PARP8: variants seen among roughly 807,000 people sequenced by gnomAD.
PARP8 encodes poly(ADP-ribose) polymerase family member 8, also known as protein mono-ADP-ribosyltransferase PARP8.
PARP8 carries 51 observed loss-of-function variants against 124.1 expected under a neutral mutation model. The observed-to-expected ratio is 0.41, with a 90% CI of 0.33 to 0.52. The LOEUF (loss-of-function observed/expected upper bound fraction) is 0.52, where lower values mean the gene tolerates loss of function less well. PARP8 is among the 20% of genes least tolerant of loss of function. The probability of loss-of-function intolerance (pLI) is 0.21; values close to 1 mark genes in which losing one functional copy is unlikely to be tolerated. For synonymous variants in PARP8, 391 were observed against 361.5 expected, an observed-to-expected ratio of 1.08 and a Z score of -0.93; for missense variants, 860 against 1,018.9, an observed-to-expected ratio of 0.84 and a Z score of 2.12.
At chr5:50,837,726 G>A (rs1747739657) in intron 25 of PARP8, among the ~76,000 whole-genome samples, 1 of 151,444 alleles carries the variant, frequency 6.6e-6, no homozygotes, top group African/African-American at 2.4e-5. Flanking sequence ...AAATTGGAGG[G>A]AAATTTTAGG....
chr5:50,740,937 T>C (rs1344246245), intron 2 of PARP8, among the ~76,000 whole-genome samples: 1 of 152,238 alleles, frequency 6.6e-6, no homozygotes, highest in Non-Finnish European at 1.5e-5. Context: ...CGAAGTTCTT[T>C]CTAAATATTT....
At chr5:50,675,780 A>G (rs1351891324) in intron 2 of PARP8, among the ~76,000 whole-genome samples, 1 of 152,050 alleles carries the variant, frequency 6.6e-6, no homozygotes, top group East Asian at 1.9e-4. Flanking sequence ...ACAAAAGTGG[A>G]AAACAAACCA....
At chr5:50,747,155 T>G (rs1758645167) in intron 2 of PARP8, among the ~76,000 whole-genome samples, 1 of 16,282 alleles carries the variant, frequency 6.1e-5, no homozygotes, top group African/African-American at 2.3e-4. Flanking sequence ...TTTTTGTTTG[T>G]TTGTTTTGTT....
chr5:50,774,926 C>T (rs371993789), intron 7 of PARP8, among the ~76,000 whole-genome samples: 83 of 139,594 alleles, frequency 5.9e-4, no homozygotes, highest in South Asian at 1.9e-3. Context: ...CCAGATGGGG[C>T]GGCTGGGCAG....
intron 16 of PARP8, among the ~76,000 whole-genome samples, 189 bp from the exon 17 acceptor site, chr5:50,822,146 T>G (rs1745827492): frequency 6.6e-6 from 1 of 152,196 alleles, no homozygotes; most frequent in Non-Finnish European, 1.5e-5. Context: ...TTGTTTCTTT[T>G]CTCTGACTGA....
chr5:50,812,924 G>A (rs1327423028), intron 14 of PARP8, among the ~76,000 whole-genome samples: 1 of 152,058 alleles, frequency 6.6e-6, no homozygotes, highest in African/African-American at 2.4e-5. Context: ...TATTATTTCT[G>A]AGGGCTCTGT....
intron 2 of PARP8, chr5:50,744,618 A>G: frequency 1.6e-6 from 1 of 640,292 alleles, no homozygotes; most frequent in Non-Finnish European, 2.8e-6. Flanking sequence ...CACTGTTCAT[A>G]TAATATATAC....
At chr5:50,669,871 C>T (rs946319454) in intron 2 of PARP8, among the ~76,000 whole-genome samples, 2 of 152,156 alleles carry the variant, frequency 1.3e-5, no homozygotes, top group South Asian at 4.1e-4. Context: ...TGGCTAAGAT[C>T]GAGCACAAGT....
chr5:50,815,334 C>A (rs986767756), intron 14 of PARP8, 98 bp from the exon 15 acceptor site: 2 of 811,994 alleles, frequency 2.5e-6, no homozygotes, highest in Non-Finnish European at 1.9e-6. Flanking sequence ...AACACTTAAA[C>A]CTTGCATTTT....
At chr5:50,714,443 A>G (rs1464794134) in intron 2 of PARP8, among the ~76,000 whole-genome samples, 1 of 151,986 alleles carries the variant, frequency 6.6e-6, no homozygotes, top group African/African-American at 2.4e-5. Context: ...TCTGGGATAC[A>G]TGTGCTGAAC....
chr5:50,703,682 G>A (rs1753825096), intron 2 of PARP8, among the ~76,000 whole-genome samples: 2 of 152,090 alleles, frequency 1.3e-5, no homozygotes, highest in South Asian at 4.1e-4. Flanking sequence ...CTCTTCAGTT[G>A]TATAATGGTC....
chr5:50,692,284 A>G (rs1247724453), intron 2 of PARP8, among the ~76,000 whole-genome samples: 1 of 151,844 alleles, frequency 6.6e-6, no homozygotes, highest in African/African-American at 2.4e-5. Flanking sequence ...AATCTCTATC[A>G]TATTATTTAT....
chr5:50,713,381 C>A (rs1220207882), intron 2 of PARP8, among the ~76,000 whole-genome samples: 1 of 151,988 alleles, frequency 6.6e-6, no homozygotes, highest in Admixed American at 6.6e-5. Context: ...GTTAGGACTA[C>A]AGGCATGTGC....
intron 14 of PARP8, among the ~76,000 whole-genome samples, chr5:50,799,371 A>G (rs1355078823): frequency 6.6e-6 from 1 of 152,104 alleles, no homozygotes; most frequent in Non-Finnish European, 1.5e-5. Flanking sequence ...AAATTATTTG[A>G]CTATAGATGT....
chr5:50,785,100 A>G (rs1481305960), intron 9 of PARP8, among the ~76,000 whole-genome samples: 1 of 151,984 alleles, frequency 6.6e-6, no homozygotes, highest in Non-Finnish European at 1.5e-5. Context: ...TATTTTATGA[A>G]TTACAAATTG....
At chr5:50,800,140 C>G (rs967476498) in intron 14 of PARP8, among the ~76,000 whole-genome samples, 1 of 152,138 alleles carries the variant, frequency 6.6e-6, no homozygotes, top group African/African-American at 2.4e-5. Flanking sequence ...TTTCAGCATT[C>G]AAGTCTTACA....
At chr5:50,726,385 A>G (rs1756432373) in intron 2 of PARP8, among the ~76,000 whole-genome samples, 1 of 152,130 alleles carries the variant, frequency 6.6e-6, no homozygotes, top group African/African-American at 2.4e-5. Flanking sequence ...TTCAAGCTTT[A>G]CTTTTTTTCC....
intron 18 of PARP8, among the ~76,000 whole-genome samples, chr5:50,825,437 C>T (rs553632873): frequency 3.3e-4 from 50 of 152,288 alleles, no homozygotes; most frequent in African/African-American, 1.1e-3. Flanking sequence ...TCTTAACTCT[C>T]TGCTTGCTCA....
At chr5:50,835,868 C>T (rs1468985040) in intron 25 of PARP8, among the ~76,000 whole-genome samples, 1 of 152,122 alleles carries the variant, frequency 6.6e-6, no homozygotes, top group East Asian at 1.9e-4. Flanking sequence ...GTCTAATTTT[C>T]ACTCTACCCT....
Sources: gnomAD v4.1 joint callset for allele counts (sites outside exome capture counted in the v4.1 genomes callset) on GRCh38, gnomAD v4.1.1 for gene constraint, MANE v1.5 for transcripts, NCBI Gene and HGNC (gene_info 2026-07-23, HGNC 2026-07-21) for gene names.